The following EHMT1 variants were observed in gnomAD, a reference collection of about 807,000 sequenced individuals.
EHMT1 encodes euchromatic histone lysine methyltransferase 1, also known as histone-lysine N-methyltransferase EHMT1.
EHMT1 carries 15 observed loss-of-function variants against 147.2 expected under a neutral mutation model. The observed-to-expected ratio is 0.10, with a 90% confidence interval of 0.07 to 0.16. The LOEUF is 0.16. Among genes scored for constraint, EHMT1 ranks in the 10% least tolerant of loss-of-function variants. The pLI, the probability that EHMT1 is intolerant of heterozygous loss-of-function variation, is 1.00. For synonymous variants in EHMT1, 795 were observed against 709.6 expected (o/e 1.12, Z -1.91); for missense variants, 1,587 against 1,772.4 (o/e 0.90, Z 1.88).
At chr9:137,796,119 C>T (rs1257501364) in intron 16 of EHMT1, among the ~76,000 whole-genome samples, 2 of 152,212 alleles carry the variant, frequency 1.3e-5, no homozygotes, top group African/African-American at 4.8e-5. Context: ...GCTTCCAACA[C>T]GAAGACGCCA....
chr9:137,817,267 CCT>C (rs918834313), intron 23 of EHMT1, 170 bp from the exon 24 acceptor site: 1 of 740,244 alleles, frequency 1.4e-6, no homozygotes, highest in African/African-American at 1.7e-5. Context: ...TTCTTGGCTC[CCT>C]GAGAGTGCGA....
intron 25 of EHMT1, chr9:137,833,070 C>CCCGCG (rs1326773732): frequency 6.6e-6 from 1 of 152,448 alleles, no homozygotes; most frequent in East Asian, 1.9e-4. Flanking sequence ...CTTGTCACTG[C>CCCGCG]CCGCGCCGTG....
chr9:137,694,121 A>G, intron 1 of EHMT1, among the ~76,000 whole-genome samples: 1 of 63,058 alleles, frequency 1.6e-5, no homozygotes, highest in Non-Finnish European at 2.9e-5. Context: ...CGATACCCCC[A>G]CACAGTGGCG....
chr9:137,630,125 T>G (rs1215202105), intron 1 of EHMT1, among the ~76,000 whole-genome samples: 1 of 152,228 alleles, frequency 6.6e-6, no homozygotes. Context: ...CTTGTGGATT[T>G]CTTTCTGTAT....
intron 15 of EHMT1, chr9:137,788,237 G>T (rs1353556122): frequency 1.6e-5 from 8 of 506,418 alleles, no homozygotes; most frequent in Non-Finnish European, 2.4e-5. Context: ...CCTCCCTGGA[G>T]TCCCCTAGCA....
chr9:137,811,171 A>G (rs946953310), intron 18 of EHMT1, among the ~76,000 whole-genome samples: 4 of 152,138 alleles, frequency 2.6e-5, no homozygotes, highest in African/African-American at 9.7e-5. Context: ...ATAATTCTGG[A>G]TGACCTTTTC....
Position 137,762,697 on chromosome 9 carries a change from G to A in EHMT1, c.1524G>A (p.Val508=), listed in dbSNP as rs1172400229. ...TAGGGTTGGCCAACGGTCCAGATGT[G>A]CTGGAGACAGACGGCCTCCAGGAAG... ...QAEGLANGPD[V]LETDGLQEVP... The change falls in exon 10 of 27, where the codon GTG becomes GTA. Residue 508 remains valine, a synonymous_variant. Coordinates refer to ENST00000460843, the MANE Select transcript of EHMT1 (RefSeq NM_024757.5). The A allele has an allele frequency of 6.2e-7, 1 of 1,614,238 alleles. No individual in the cohort carries two copies. Among genetic ancestry groups the A allele is most frequent in the Non-Finnish European group, 8.5e-7 (1 of 1,180,034 alleles).
intron 18 of EHMT1, among the ~76,000 whole-genome samples, chr9:137,805,809 C>T (rs1168747931): frequency 1.3e-5 from 2 of 151,944 alleles, no homozygotes; most frequent in African/African-American, 2.4e-5. Context: ...ATTACAGGCA[C>T]GAGCCACCAC....
At chr9:137,656,071 T>C (rs1938406906) in intron 1 of EHMT1, among the ~76,000 whole-genome samples, 1 of 152,136 alleles carries the variant, frequency 6.6e-6, no homozygotes, top group African/African-American at 2.4e-5. Flanking sequence ...TTTATATAGC[T>C]CATAACCATA....
At position 137,626,401 on chromosome 9, in the gene EHMT1, A is replaced by G. The variant is rs191575930; in HGVS notation, c.21+7352A>G. On this transcript the variant is annotated intron_variant, in intron 1 of 26. Coordinates refer to ENST00000460843, the MANE Select transcript of EHMT1 (RefSeq NM_024757.5). ...ACCATGACCAGCTGGTGCGTGCCTG[A>G]AATCCCAGCTACTCAGGAGGCTGAG... 5.5e-4 allele frequency among the ~76,000 whole-genome samples: 83 copies of G among 151,940 alleles called. 1 individual carries two copies. Among genetic ancestry groups the G allele is most frequent in the Middle Eastern group, 3.4e-3 (1 of 294 alleles).
chr9:137,807,001 TTGTC>T (rs1172467957), intron 18 of EHMT1, among the ~76,000 whole-genome samples: 1 of 152,260 alleles, frequency 6.6e-6, no homozygotes, highest in Non-Finnish European at 1.5e-5. Flanking sequence ...AAGCCTTAGT[TTGTC>T]TGTAAAGCAA....
chr9:137,811,371 C>A (rs917548379), intron 18 of EHMT1, 90 bp from the exon 19 acceptor site: 5 of 1,582,784 alleles, frequency 3.2e-6, no homozygotes, highest in Non-Finnish European at 2.6e-6. Flanking sequence ...AGCCTCTCCC[C>A]GGGCACATGG....
chr9:137,744,085 C>G lies in EHMT1; in HGVS notation c.1165C>G (p.Gln389Glu), dbSNP rs1948344343. 1 of 1,613,898 alleles carries G rather than the reference C, an allele frequency of 6.2e-7. No homozygotes were observed. Among genetic ancestry groups the G allele is most frequent in the African/African-American group, 1.3e-5 (1 of 74,898 alleles). ...KESMSEADRA[Q>E]KMDGESEEEQ... Reference sequence around the variant, plus strand: ...GAGCATGTCGGAGGCTGATCGCGCCCAGAAGGTATGTGTTGCTGTCTTGGG... The same window carrying G: ...GAGCATGTCGGAGGCTGATCGCGCCGAGAAGGTATGTGTTGCTGTCTTGGG... The change falls in exon 6 of 27, where the codon CAG (glutamine) becomes GAG (glutamate). Residue 389 changes from glutamine to glutamate, a missense_variant. By Grantham distance (29) the Gln-to-Glu change is conservative (BLOSUM62 2). Transcript: ENST00000460843.
intron 1 of EHMT1, chr9:137,697,090 G>A (rs1943453905): frequency 5.1e-6 from 2 of 391,904 alleles, no homozygotes; most frequent in Middle Eastern, 8.0e-4. Flanking sequence ...AGACCAGCCC[G>A]GCCAATGTGG....
chr9:137,784,671 C>G, intron 15 of EHMT1: 1 of 156,426 alleles, frequency 6.4e-6, no homozygotes, highest in Non-Finnish European at 1.4e-5. Context: ...ATGGGGGAGC[C>G]AAGCCCTGGC....
intron 25 of EHMT1, among the ~76,000 whole-genome samples, chr9:137,832,291 A>T (rs912109616): frequency 8.5e-6 from 1 of 118,108 alleles, no homozygotes; most frequent in Non-Finnish European, 1.7e-5. Context: ...TGGCCTCTGC[A>T]CCTCGCTCCC....
intron 1 of EHMT1, among the ~76,000 whole-genome samples, chr9:137,656,871 G>A (rs1335299955): frequency 3.3e-5 from 5 of 152,156 alleles, no homozygotes; most frequent in Non-Finnish European, 7.4e-5. Flanking sequence ...CTCCCGAGTA[G>A]CTGGGATTAC....
Position 137,813,679 on chromosome 9 carries a change from TC to T in EHMT1, c.3180+152del. 8.4e-7 allele frequency: 1 copy of T among 1,186,428 alleles called. No homozygotes were observed. The highest frequency in any genetic ancestry group is 1.2e-6 in the Non-Finnish European group (1 of 830,768). 73.5% of individuals were successfully genotyped at this position (1,186,428 alleles called of 1,614,324 possible). Reference sequence around the variant, plus strand: ...AGACCTCATTCTCTTTGTAGTTGCCTCCCGTGAAAGAGCTGGAAGGCAGATA... The same window carrying T: ...AGACCTCATTCTCTTTGTAGTTGCCTCCGTGAAAGAGCTGGAAGGCAGATA... On this transcript the variant is annotated intron_variant, in intron 21 of 26. Coordinates refer to ENST00000460843, the MANE Select transcript of EHMT1 (RefSeq NM_024757.5). This position sits in a 1 kb window ranked among gnomAD's most constrained non-coding sequence, Gnocchi z 4.9.
At chr9:137,751,927 C>T (rs1461699432) in intron 6 of EHMT1, among the ~76,000 whole-genome samples, 1 of 152,154 alleles carries the variant, frequency 6.6e-6, no homozygotes, top group African/African-American at 2.4e-5. Context: ...CTCTGAAAAT[C>T]TTTTTATGAT....
Sources: allele counts gnomAD v4.1 joint callset (sites outside exome capture counted in the v4.1 genomes callset), GRCh38; gene constraint gnomAD v4.1.1; non-coding constraint Gnocchi (gnomAD v3.1); transcripts MANE v1.5; gene names NCBI Gene and HGNC (gene_info 2026-07-23, HGNC 2026-07-21).